The following RAD51C variants were observed in gnomAD, a reference collection of about 807,000 sequenced individuals.
RAD51C encodes RAD51 paralog C.
Under a neutral mutation model 45.0 loss-of-function variants are expected in RAD51C, and 42 were observed. The ratio of observed to expected loss-of-function variants is 0.93; its 90% CI spans 0.73 to 1.21. The LOEUF (loss-of-function observed/expected upper bound fraction) is 1.21. Among genes scored for constraint, RAD51C ranks in the 50% most tolerant of loss-of-function variants. The probability of loss-of-function intolerance (pLI) is 0.00; values close to 1 mark genes in which losing one functional copy is unlikely to be tolerated. For missense variants in RAD51C, 474 were observed against 452.2 expected, an observed-to-expected ratio of 1.05 and a Z score of -0.44; for synonymous variants, 172 against 159.8, an observed-to-expected ratio of 1.08 and a Z score of -0.58.
chr17:58,695,208 C>T lies in RAD51C; in HGVS notation c.404+19C>T. 2 of 1,602,236 alleles carry T rather than the reference C, an allele frequency of 1.2e-6. No homozygotes were observed. The highest frequency in any genetic ancestry group is 1.7e-6 in the Non-Finnish European group (2 of 1,174,318). On this transcript the variant is annotated intron_variant, in intron 2 of 8. Transcript: ENST00000337432. ...AATTATGGTAAAATAAAGTGTTCTC[C>T]TTTTAAGGGTGGGTTTAATAACATA...
chr17:58,718,328 A>G (rs2048809151), intron 5 of RAD51C, among the ~76,000 whole-genome samples: 1 of 151,946 alleles, frequency 6.6e-6, no homozygotes, highest in South Asian at 2.1e-4. Flanking sequence ...TAAAAAACTC[A>G]TTTTCAGAGT....
At chr17:58,694,584 T>A in intron 1 of RAD51C, 1 of 343,962 alleles carries the variant, frequency 2.9e-6, no homozygotes, top group Non-Finnish European at 5.6e-6. Context: ...CAAGTGATTG[T>A]CCTGCCTCAG....
At chr17:58,729,687 T>A (rs1364016624) in intron 7 of RAD51C, among the ~76,000 whole-genome samples, 2 of 152,070 alleles carry the variant, frequency 1.3e-5, no homozygotes, top group African/African-American at 4.8e-5. Flanking sequence ...TTCTCTTGCC[T>A]CAGCCTCCCA....
At chr17:58,696,598 CT>C in intron 2 of RAD51C, 94 bp from the exon 3 acceptor site, 1 of 1,477,330 alleles carries the variant, frequency 6.8e-7, no homozygotes. Context: ...ATTTATAAAA[CT>C]TTAGTGATAC....
chr17:58,710,552 T>C (rs2048525915), intron 5 of RAD51C, among the ~76,000 whole-genome samples: 1 of 151,762 alleles, frequency 6.6e-6, no homozygotes, highest in Non-Finnish European at 1.5e-5. Context: ...CCTTTGTTAA[T>C]TGCAGTGTCT....
At position 58,725,114 on chromosome 17, in the gene RAD51C, G is replaced by GT. The variant is rs35371682; in HGVS notation, c.965+1022dup. Among the ~76,000 whole-genome samples, 5 of 152,022 alleles carry GT rather than the reference G, an allele frequency of 3.3e-5. No individual in the cohort carries two copies. In the East Asian group the frequency reaches 9.6e-4, roughly 29 times the overall value. ...GGTATTTGCAAAGAGCTCAGGTAGT[G>GT]TTTTTTTTCCCCCACAATACGTAGT... On this transcript the variant is annotated intron_variant, in intron 7 of 8. Transcript: ENST00000337432.
chr17:58,714,073 C>T (rs1445254549), intron 5 of RAD51C, among the ~76,000 whole-genome samples: 2 of 152,022 alleles, frequency 1.3e-5, no homozygotes, highest in Non-Finnish European at 2.9e-5. Flanking sequence ...CAGCCTCCAC[C>T]TCCCAGGTTC....
In RAD51C at chr17:58,692,784, C is replaced by T. The variant is rs568912602; in HGVS notation, c.141C>T (p.Ser47=). 5.0e-5 allele frequency: 80 copies of T among 1,614,180 alleles called. No homozygotes were observed. In the Middle Eastern group the frequency reaches 8.2e-4, roughly 17 times the overall value. The change falls in exon 1 of 9, where the codon AGC becomes AGT. Residue 47 remains serine, a synonymous_variant. Transcript: ENST00000337432. The stretch of plus-strand genomic sequence containing the variant: ...TAGAGGTGAAACCCTCCGAGCTTAG[C>T]AAAGGTAACGACTCCTGATGGCAAG... The part of the protein sequence containing the change: ...ELLEVKPSEL[S]KEVGISKAEA...
intron 7 of RAD51C, among the ~76,000 whole-genome samples, chr17:58,730,228 G>C (rs908635945): frequency 1.4e-5 from 2 of 144,794 alleles, no homozygotes; most frequent in Non-Finnish European, 3.0e-5. Context: ...GCAGAGGCAC[G>C]ATCTCGGCTC....
intron 7 of RAD51C, among the ~76,000 whole-genome samples, chr17:58,731,710 A>G (rs2049432767): frequency 6.6e-6 from 1 of 152,142 alleles, no homozygotes; most frequent in Non-Finnish European, 1.5e-5. Flanking sequence ...ACCTAAGCAG[A>G]TCTTGTTCTG....
intron 5 of RAD51C, among the ~76,000 whole-genome samples, chr17:58,719,752 G>A (rs1186537141): frequency 1.5e-5 from 2 of 132,138 alleles, no homozygotes; most frequent in Admixed American, 8.0e-5. Flanking sequence ...TTTTTGAGAT[G>A]GAGTCTCACT....
rs73329068 is a variant in RAD51C, at chr17:58,717,925, G to A, written c.838-2821G>A. 9.0e-3 allele frequency among the ~76,000 whole-genome samples: 1,377 copies of A among 152,198 alleles called. 25 individuals are homozygous for A. Among genetic ancestry groups the A allele is most frequent in the African/African-American group, 0.031 (1,271 of 41,540 alleles). On this transcript the variant is annotated intron_variant, in intron 5 of 8. Coordinates refer to ENST00000337432, the MANE Select transcript of RAD51C (RefSeq NM_058216.3). ...GATGGATCACAGATTTCTCCTTTGC[G>A]GTGAAACAGAAATTTTAGGGTGTTA...
intron 5 of RAD51C, among the ~76,000 whole-genome samples, chr17:58,719,785 G>C (rs2048852495): frequency 6.8e-6 from 1 of 146,140 alleles, no homozygotes. Context: ...CTGGAGTGCA[G>C]TAGCGCTATC....
At chr17:58,729,314 T>G (rs752503598) in intron 7 of RAD51C, among the ~76,000 whole-genome samples, 1 of 151,828 alleles carries the variant, frequency 6.6e-6, no homozygotes, top group Non-Finnish European at 1.5e-5. Flanking sequence ...GCCTCCCGGG[T>G]TCAATCGATT....
chr17:58,719,634 G>T (rs1248324172), intron 5 of RAD51C, among the ~76,000 whole-genome samples: 1 of 152,014 alleles, frequency 6.6e-6, no homozygotes, highest in Non-Finnish European at 1.5e-5. Flanking sequence ...GGGCAACATA[G>T]CAAGACCCCA....
intron 4 of RAD51C, among the ~76,000 whole-genome samples, chr17:58,707,665 T>C (rs1441913297): frequency 1.3e-5 from 2 of 152,222 alleles, no homozygotes; most frequent in Non-Finnish European, 1.5e-5. Context: ...ACCTTGCTTC[T>C]CTCACTACCT....
Position 58,692,632 on chromosome 17 carries a change from G to A in RAD51C, c.-12G>A. On this transcript the variant is annotated 5_prime_UTR_variant, in exon 1 of 9. Transcript: ENST00000337432. ...GAGTTTGGCTGCTCCGGGGTTAGCA[G>A]GTGAGCCTGCGATGCGCGGGAAGAC... The A allele has an allele frequency of 6.2e-7, 1 of 1,613,942 alleles. No homozygotes were observed. Among genetic ancestry groups the A allele is most frequent in the African/African-American group, 1.3e-5 (1 of 75,072 alleles).
In RAD51C at chr17:58,734,152, C is replaced by T. The variant is rs761770500; in HGVS notation, c.1061C>T (p.Ala354Val). ...TTTAGAGATACTGTTGTTACTTCTG[C>T]ATGTTCATTGCAAACAGAAGGTTCC... is the stretch of plus-strand genomic sequence containing the variant. ...QGFRDTVVTS[A>V]CSLQTEGSLS... Residue 354 changes from alanine to valine, a missense_variant, in exon 9 of 9, where the codon GCA becomes GTA. By Grantham distance (64) the Ala-to-Val change is moderately conservative. Transcript: ENST00000337432. 35 of 1,613,632 alleles carry T rather than the reference C, an allele frequency of 2.2e-5. No individual in the cohort carries two copies. The highest frequency in any genetic ancestry group is 2.9e-5 in the Non-Finnish European group (34 of 1,179,780).
intron 2 of RAD51C, among the ~76,000 whole-genome samples, chr17:58,695,836 G>A (rs1365777399): frequency 1.3e-5 from 2 of 152,002 alleles, no homozygotes; most frequent in African/African-American, 4.8e-5. Flanking sequence ...GGAGGCTGAG[G>A]CGGGTGGATC....
Sources: allele counts gnomAD v4.1 joint callset (sites outside exome capture counted in the v4.1 genomes callset), GRCh38; gene constraint gnomAD v4.1.1; transcripts MANE v1.5; gene names NCBI Gene and HGNC (gene_info 2026-07-23, HGNC 2026-07-21).